Variants in FHIT observed in about 807,000 individuals in gnomAD.
The protein encoded by FHIT is fragile histidine triad diadenosine triphosphatase, also known as bis(5'-adenosyl)-triphosphatase.
Under a neutral mutation model 17.9 loss-of-function variants are expected in FHIT, and 19 were observed. That is an observed-to-expected ratio of 1.06 (90% confidence interval 0.74 to 1.56). The LOEUF (loss-of-function observed/expected upper bound fraction) is 1.56. FHIT is among the 40% of genes most tolerant of loss of function. The pLI, the probability that FHIT is intolerant of heterozygous loss-of-function variation, is 0.00. For synonymous variants in FHIT, 81 were observed against 69.7 expected (o/e 1.16, Z -0.81); for missense variants, 248 against 189.2 (o/e 1.31, Z -1.82).
chr3:60,870,836 G>C (rs1553754858), intron 3 of FHIT, among the ~76,000 whole-genome samples: 1 of 152,052 alleles, frequency 6.6e-6, no homozygotes. Context: ...TGAAGAGAGA[G>C]TCCCCCATGG....
At chr3:60,150,257 A>C (rs552191058) in intron 5 of FHIT, among the ~76,000 whole-genome samples, 1 of 152,044 alleles carries the variant, frequency 6.6e-6, no homozygotes. Context: ...TTGGCCTCCC[A>C]AAGTGCTGGG....
chr3:60,934,666 G>C (rs558554170), intron 3 of FHIT, among the ~76,000 whole-genome samples: 4 of 152,152 alleles, frequency 2.6e-5, no homozygotes, highest in Non-Finnish European at 4.4e-5. Flanking sequence ...AATCTCAAAG[G>C]AGTATCCTAC....
At chr3:60,639,275 A>G (rs1414054872) in intron 4 of FHIT, among the ~76,000 whole-genome samples, 3 of 152,046 alleles carry the variant, frequency 2.0e-5, no homozygotes, top group Admixed American at 6.6e-5. Flanking sequence ...TTGAGGGACT[A>G]AGATTTGTGA....
At position 59,897,747 on chromosome 3, in the gene FHIT, C is replaced by T. The variant is rs368840283; in HGVS notation, c.348+24599G>A. 2.6e-5 allele frequency among the ~76,000 whole-genome samples: 4 copies of T among 151,534 alleles called. No homozygotes were observed. The East Asian group carries it at 5.8e-4, about 22-fold the overall frequency. ...CTGAAAATCTGAAATGCTCCAAATG[C>T]TCCAAAATCTGAAACTTTTTTTTTC... On this transcript the variant is annotated intron_variant, in intron 8 of 9. Transcript: ENST00000492590.
intron 5 of FHIT, among the ~76,000 whole-genome samples, chr3:60,455,713 G>T (rs2032046662): frequency 6.6e-6 from 1 of 151,994 alleles, no homozygotes; most frequent in Non-Finnish European, 1.5e-5. Context: ...CAAATGAGTA[G>T]CTTCTGCAAT....
chr3:60,697,440 C>T (rs1439830263), intron 4 of FHIT, among the ~76,000 whole-genome samples: 1 of 152,106 alleles, frequency 6.6e-6, no homozygotes, highest in African/African-American at 2.4e-5. Flanking sequence ...TTATATTTCA[C>T]AATTTTATTT....
chr3:60,209,537 G>C (rs1703353871), intron 5 of FHIT, among the ~76,000 whole-genome samples: 1 of 152,124 alleles, frequency 6.6e-6, no homozygotes, highest in African/African-American at 2.4e-5. Flanking sequence ...CCAGAGCCAA[G>C]AACTCTGTTG....
At chr3:60,501,215 G>C (rs2034512096) in intron 5 of FHIT, among the ~76,000 whole-genome samples, 1 of 152,154 alleles carries the variant, frequency 6.6e-6, no homozygotes, top group African/African-American at 2.4e-5. Context: ...GGGATGACTT[G>C]AAGTAATATG....
intron 5 of FHIT, among the ~76,000 whole-genome samples, chr3:60,306,438 T>C (rs1168923858): frequency 1.3e-5 from 2 of 152,132 alleles, no homozygotes; most frequent in Non-Finnish European, 2.9e-5. Context: ...TCTGCAAAAA[T>C]ACTTAACCCA....
At chr3:60,011,573 G>C in intron 6 of FHIT, among the ~76,000 whole-genome samples, 173 bp from the exon 7 acceptor site, 1 of 120,552 alleles carries the variant, frequency 8.3e-6, no homozygotes, top group Non-Finnish European at 1.9e-5. Context: ...CTCCATTTCC[G>C]CCTGAGAGTA....
intron 5 of FHIT, among the ~76,000 whole-genome samples, chr3:60,116,184 G>C (rs1559646115): frequency 6.6e-6 from 1 of 152,166 alleles, no homozygotes; most frequent in African/African-American, 2.4e-5. Context: ...GACATTAGGA[G>C]AACTTCTGGA....
Position 60,571,335 on chromosome 3 carries a change from C to CAATAAAA in FHIT, c.-17-34357_-17-34356insTTTTATT, listed in dbSNP as rs750168873. ...TGGGCAACAGGGCAAGACTCCATCG[C>CAATAAAA]AAAAAAAAAAAAAAAAAAAAAAAAA... On this transcript the variant is annotated intron_variant, in intron 4 of 9. Transcript: ENST00000492590. Among the ~76,000 whole-genome samples, 12 of 54,672 alleles carry CAATAAAA rather than the reference C, an allele frequency of 2.2e-4. 2 individuals carry two copies. The highest frequency in any genetic ancestry group is 3.5e-4 in the Non-Finnish European group (11 of 31,312). The allele number at this position is 54,672 out of a possible 152,430, so 35.9% of individuals were successfully genotyped here.
intron 3 of FHIT, among the ~76,000 whole-genome samples, chr3:60,905,982 C>T (rs541834814): frequency 1.3e-5 from 2 of 151,230 alleles, no homozygotes; most frequent in South Asian, 2.1e-4. Flanking sequence ...TTTACATATT[C>T]GAAATAAAAA....
At chr3:59,840,865 G>A (rs1270165824) in intron 8 of FHIT, among the ~76,000 whole-genome samples, 4 of 152,062 alleles carry the variant, frequency 2.6e-5, no homozygotes, top group Non-Finnish European at 5.9e-5. Flanking sequence ...TAACAGCCCT[G>A]GGCTCATAGG....
At chr3:60,570,729 T>TA (rs2037345897) in intron 4 of FHIT, among the ~76,000 whole-genome samples, 1 of 24,940 alleles carries the variant, frequency 4.0e-5, no homozygotes, top group Non-Finnish European at 7.3e-5. Flanking sequence ...CTTAGTACAT[T>TA]AAAAAATTAA....
intron 1 of FHIT, among the ~76,000 whole-genome samples, chr3:61,243,124 G>GAGGTTAGAGGC (rs1295665979): frequency 2.0e-5 from 3 of 152,184 alleles, no homozygotes; most frequent in Non-Finnish European, 2.9e-5. Flanking sequence ...GGACAGCTTG[G>GAGGTTAGAGGC]AGGTTAGAGG....
At chr3:59,982,835 C>T (rs535692819) in intron 7 of FHIT, among the ~76,000 whole-genome samples, 2 of 152,242 alleles carry the variant, frequency 1.3e-5, no homozygotes, top group East Asian at 3.9e-4. Flanking sequence ...GAGACATCTC[C>T]GTGGCTTCTA....
chr3:60,990,860 A>G (rs2030139662), intron 3 of FHIT, among the ~76,000 whole-genome samples: 1 of 152,220 alleles, frequency 6.6e-6, no homozygotes, highest in African/African-American at 2.4e-5. Context: ...GAAATGTCTT[A>G]TAGAGTTACA....
intron 9 of FHIT, chr3:59,750,204 A>G (rs1336504470): frequency 4.4e-6 from 1 of 225,976 alleles, no homozygotes; most frequent in African/African-American, 2.2e-5. Context: ...ATAAGTTTGA[A>G]TCTTCTTAAA....
Sources: gnomAD v4.1 joint callset for allele counts (sites outside exome capture counted in the v4.1 genomes callset) on GRCh38, gnomAD v4.1.1 for gene constraint, MANE v1.5 for transcripts, NCBI Gene and HGNC (gene_info 2026-07-23, HGNC 2026-07-21) for gene names.